KCNH1: variants seen among roughly 807,000 people sequenced by gnomAD.
KCNH1 encodes potassium voltage-gated channel subfamily H member 1, also known as voltage-gated delayed rectifier potassium channel KCNH1.
A neutral mutation model predicts 69.2 loss-of-function variants in KCNH1; 27 were observed. That is an observed-to-expected ratio of 0.39 (90% CI 0.29 to 0.54). The LOEUF (loss-of-function observed/expected upper bound fraction) is 0.54, where lower values mean the gene tolerates loss of function less well. KCNH1 is among the 20% of genes least tolerant of loss of function. The probability of loss-of-function intolerance (pLI) is 0.68; values close to 1 mark genes in which losing one functional copy is unlikely to be tolerated. For synonymous variants in KCNH1, 456 were observed against 487.7 expected (o/e 0.93, Z 0.86); for missense variants, 798 against 1,261.6 (o/e 0.63, Z 5.57).
intron 1 of KCNH1, among the ~76,000 whole-genome samples, chr1:211,129,209 A>G (rs1366135126): frequency 6.6e-6 from 1 of 152,244 alleles, no homozygotes; most frequent in African/African-American, 2.4e-5. Flanking sequence ...AAGTGTATAA[A>G]GCAGATACTC....
chr1:210,973,197 T>C (rs1688544864), intron 6 of KCNH1, among the ~76,000 whole-genome samples: 1 of 152,148 alleles, frequency 6.6e-6, no homozygotes, highest in Non-Finnish European at 1.5e-5. Flanking sequence ...CACTGGCACT[T>C]CAAATTCAAC....
At chr1:211,049,738 C>A (rs1198225743) in intron 5 of KCNH1, among the ~76,000 whole-genome samples, 1 of 152,206 alleles carries the variant, frequency 6.6e-6, no homozygotes, top group Non-Finnish European at 1.5e-5. Context: ...AGAAAAGACA[C>A]AGGCTTGAAC....
At chr1:210,871,512 G>A (rs1686246217) in intron 7 of KCNH1, among the ~76,000 whole-genome samples, 1 of 152,136 alleles carries the variant, frequency 6.6e-6, no homozygotes, top group Non-Finnish European at 1.5e-5. Context: ...CAGGGATCTA[G>A]AACTAGAAAT....
At chr1:210,835,611 T>C (rs543833759) in intron 7 of KCNH1, among the ~76,000 whole-genome samples, 3 of 152,206 alleles carry the variant, frequency 2.0e-5, no homozygotes, top group Admixed American at 1.3e-4. Context: ...ATTTAGACCA[T>C]ACCAACAGAA....
At chr1:210,750,309 A>C (rs554809210) in intron 10 of KCNH1, among the ~76,000 whole-genome samples, 1 of 152,218 alleles carries the variant, frequency 6.6e-6, no homozygotes, top group Non-Finnish European at 1.5e-5. Context: ...TACAGACGCT[A>C]ACTGTGCTAT....
intron 5 of KCNH1, chr1:211,063,626 G>T (rs1443614813): frequency 6.6e-6 from 1 of 152,008 alleles, no homozygotes; most frequent in Non-Finnish European, 1.5e-5. Flanking sequence ...CTGTAGTTCT[G>T]GCTACTCAGG....
chr1:211,070,550 G>A (rs964107351), intron 5 of KCNH1, among the ~76,000 whole-genome samples: 3 of 150,622 alleles, frequency 2.0e-5, no homozygotes, highest in Admixed American at 1.3e-4. Flanking sequence ...GAGGCCAGGT[G>A]TGGTGGCTCA....
Position 210,721,378 on chromosome 1 carries a change from A to G in KCNH1, c.2113-37240T>C, listed in dbSNP as rs548217607. On this transcript the variant is annotated intron_variant, in intron 10 of 10. Coordinates refer to ENST00000271751, the MANE Select transcript of KCNH1 (RefSeq NM_172362.3). The stretch of plus-strand genomic sequence containing the variant: ...CTTCAGCGCAAGAGTTCTGCTCACA[A>G]AGGCTTCCACTAGCTGTCAAAGCAG... Among the ~76,000 whole-genome samples, 8 of 152,280 alleles carry G rather than the reference A, an allele frequency of 5.3e-5. No individual in the cohort carries two copies. In the East Asian group the frequency reaches 9.6e-4, roughly 18 times the overall value.
intron 6 of KCNH1, among the ~76,000 whole-genome samples, chr1:210,958,462 C>A (rs1187532718): frequency 2.0e-5 from 3 of 152,280 alleles, no homozygotes; most frequent in Middle Eastern, 6.8e-3. Context: ...GCCTGCCTTG[C>A]CTGGTTGGGG....
At chr1:211,007,656 T>C (rs538970077) in intron 6 of KCNH1, among the ~76,000 whole-genome samples, 116 of 152,330 alleles carry the variant, frequency 7.6e-4, no homozygotes, top group African/African-American at 2.6e-3. Flanking sequence ...GTATGAGTCC[T>C]GCAAGGCCCT....
intron 1 of KCNH1, among the ~76,000 whole-genome samples, chr1:211,114,157 G>A (rs965671153): frequency 1.2e-4 from 18 of 152,090 alleles, no homozygotes; most frequent in African/African-American, 4.3e-4. Context: ...GCAGAGCAGG[G>A]ACCATTGCCA....
chr1:210,896,870 T>C (rs1686880365), intron 7 of KCNH1, among the ~76,000 whole-genome samples: 2 of 152,204 alleles, frequency 1.3e-5, no homozygotes, highest in Non-Finnish European at 2.9e-5. Context: ...TGTATGGCTG[T>C]ACAGTTACAA....
chr1:211,088,416 T>G (rs1690993308), intron 4 of KCNH1, among the ~76,000 whole-genome samples: 1 of 152,194 alleles, frequency 6.6e-6, no homozygotes, highest in Non-Finnish European at 1.5e-5. Flanking sequence ...GATCTAGATT[T>G]GATCCCTGTA....
intron 10 of KCNH1, among the ~76,000 whole-genome samples, chr1:210,745,420 G>T (rs541577528): frequency 3.3e-5 from 5 of 152,000 alleles, no homozygotes; most frequent in African/African-American, 9.7e-5. Flanking sequence ...TGGTATTTTC[G>T]CATCCAAAAC....
chr1:210,981,746 CT>C lies in KCNH1; in HGVS notation c.1032+37036del, dbSNP rs572166945. On this transcript the variant is annotated intron_variant, in intron 6 of 10. Transcript: ENST00000271751. ...AAACTTCCTGGCAAACTTGTGGAGA[CT>C]TTTTTTCTACACCAGAATTGTTCCC... 8.5e-5 allele frequency among the ~76,000 whole-genome samples: 13 copies of C among 152,196 alleles called. No individual in the cohort carries two copies. In the South Asian group the frequency reaches 1.5e-3, roughly 17 times the overall value.
intron 7 of KCNH1, among the ~76,000 whole-genome samples, chr1:210,873,887 G>T (rs1340593830): frequency 6.6e-6 from 1 of 152,100 alleles, no homozygotes; most frequent in Non-Finnish European, 1.5e-5. Context: ...ATATAATTCA[G>T]TTAAGTGGAA....
chr1:211,019,434 T>C (rs1167098168), intron 5 of KCNH1, among the ~76,000 whole-genome samples, 178 bp from the exon 6 acceptor site: 1 of 152,200 alleles, frequency 6.6e-6, no homozygotes, highest in Admixed American at 6.5e-5. Context: ...GAAATAATCA[T>C]AAAGAAACAA....
intron 6 of KCNH1, among the ~76,000 whole-genome samples, chr1:210,958,263 T>C (rs1392841248): frequency 6.6e-6 from 1 of 152,254 alleles, no homozygotes; most frequent in African/African-American, 2.4e-5. Flanking sequence ...TTGTAGGGTT[T>C]CTGCTGAGAG....
intron 4 of KCNH1, among the ~76,000 whole-genome samples, chr1:211,086,498 G>A (rs1690954745): frequency 6.6e-6 from 1 of 152,174 alleles, no homozygotes; most frequent in African/African-American, 2.4e-5. Flanking sequence ...CCATGATCAG[G>A]AAAATGAGAG....
Sources: allele counts gnomAD v4.1 joint callset (sites outside exome capture counted in the v4.1 genomes callset), GRCh38; gene constraint gnomAD v4.1.1; transcripts MANE v1.5; gene names NCBI Gene and HGNC (gene_info 2026-07-23, HGNC 2026-07-21).